Variants in HERC3 observed in about 807,000 individuals in gnomAD.
The protein encoded by HERC3 is HECT and RLD domain containing E3 ubiquitin protein ligase 3.
HERC3 carries 58 observed loss-of-function variants against 129.9 expected under a neutral mutation model. That is an observed-to-expected ratio of 0.45 (90% CI 0.36 to 0.56). HERC3 has a LOEUF of 0.56. Ranked by LOEUF, HERC3 falls within the 20% of genes least tolerant of loss-of-function variation. The pLI, the probability that HERC3 is intolerant of heterozygous loss-of-function variation, is 0.00. For missense variants in HERC3, 835 were observed against 1,244.2 expected, an observed-to-expected ratio of 0.67 and a Z score of 4.95; for synonymous variants, 430 against 451.0, an observed-to-expected ratio of 0.95 and a Z score of 0.59.
At chr4:88,606,180 G>A in intron 3 of HERC3, 131 bp downstream of exon 3, 1 of 623,746 alleles carries the variant, frequency 1.6e-6, no homozygotes. Flanking sequence ...ACGGTGCAGG[G>A]ATTCCTTCCT....
the HERC3 span, among the ~76,000 whole-genome samples, chr4:88,538,125 T>G: frequency 1.4e-3 from 211 of 152,376 alleles, no homozygotes; most frequent in African/African-American, 4.2e-3. Context: ...AATGGATATT[T>G]ACTTGTTTTC....
At chr4:88,565,050 T>C in the HERC3 span, among the ~76,000 whole-genome samples, 1 of 152,130 alleles carries the variant, frequency 6.6e-6, no homozygotes, top group Admixed American at 6.6e-5. Flanking sequence ...AATGTTCCTC[T>C]TGTTATTGAC....
chr4:88,612,799 CT>C (rs956236906), intron 3 of HERC3, among the ~76,000 whole-genome samples: 54 of 151,016 alleles, frequency 3.6e-4, no homozygotes, highest in African/African-American at 1.2e-3. Context: ...GCCTTCCCCA[CT>C]TTTTTTTTAA....
At chr4:88,627,482 T>A (rs1726230957) in intron 3 of HERC3, among the ~76,000 whole-genome samples, 1 of 152,202 alleles carries the variant, frequency 6.6e-6, no homozygotes. Context: ...ACTGTGACAT[T>A]TTATACAAGG....
chr4:88,534,554 G>C, the HERC3 span, among the ~76,000 whole-genome samples: 1 of 151,852 alleles, frequency 6.6e-6, no homozygotes, highest in Non-Finnish European at 1.5e-5. Context: ...GTGACTAAAA[G>C]GATCTCATAC....
At chr4:88,538,967 T>C in the HERC3 span, among the ~76,000 whole-genome samples, 2 of 152,104 alleles carry the variant, frequency 1.3e-5, no homozygotes, top group East Asian at 3.9e-4. Flanking sequence ...GATGGCCAAA[T>C]AGGAACAGAT....
the HERC3 span, among the ~76,000 whole-genome samples, chr4:88,545,435 T>TTTTTTTTTTTG: frequency 6.8e-6 from 1 of 147,246 alleles, no homozygotes; most frequent in African/African-American, 2.5e-5. Context: ...GAATTCTTTT[T>TTTTTTTTTTTG]TTTTTTTTTT....
chr4:88,558,887 G>A, the HERC3 span, among the ~76,000 whole-genome samples: 2 of 150,482 alleles, frequency 1.3e-5, no homozygotes, highest in East Asian at 2.0e-4. Context: ...AGAATGGCGT[G>A]AACCCAGGAG....
chr4:88,534,734 T>C, the HERC3 span, among the ~76,000 whole-genome samples: 3 of 152,248 alleles, frequency 2.0e-5, no homozygotes, highest in East Asian at 5.8e-4. Flanking sequence ...TGTGATTCTA[T>C]ATGGCTTTTT....
At chr4:88,543,094 T>C in the HERC3 span, among the ~76,000 whole-genome samples, 28,975 of 151,986 alleles carry the variant, frequency 0.19, 3,210 homozygotes, top group East Asian at 0.5. Context: ...CCAGGGCAAT[T>C]AGGCAAGAGA....
the HERC3 span, among the ~76,000 whole-genome samples, chr4:88,581,304 A>T: frequency 8.0e-5 from 12 of 150,546 alleles, no homozygotes; most frequent in African/African-American, 2.2e-4. Flanking sequence ...TATTATTATT[A>T]TTATTTTTTT....
At chr4:88,548,960 C>T in the HERC3 span, among the ~76,000 whole-genome samples, 1 of 152,088 alleles carries the variant, frequency 6.6e-6, no homozygotes, top group East Asian at 1.9e-4. Context: ...TGCGCCCGGC[C>T]CATCTTTTCA....
the HERC3 span, among the ~76,000 whole-genome samples, chr4:88,578,735 C>A: frequency 6.6e-6 from 1 of 152,106 alleles, no homozygotes; most frequent in African/African-American, 2.4e-5. Context: ...TCTCTTTGAA[C>A]CCTCATCATA....
the HERC3 span, among the ~76,000 whole-genome samples, chr4:88,547,846 G>T: frequency 6.6e-6 from 1 of 152,140 alleles, no homozygotes; most frequent in Non-Finnish European, 1.5e-5. Flanking sequence ...AGTAGAGATA[G>T]GGTTTCACCA....
intron 3 of HERC3, among the ~76,000 whole-genome samples, chr4:88,642,987 ATTCT>A (rs1449754388): frequency 1.3e-5 from 2 of 152,176 alleles, no homozygotes; most frequent in Non-Finnish European, 2.9e-5. Flanking sequence ...CTCAGAAAAA[ATTCT>A]TTCTATTAAA....
In HERC3 at chr4:88,605,802, G is replaced by A; in HGVS notation, c.-22G>A. Reference sequence around the variant, plus strand: ...TTTTAAACTCTCTCCTAGGCTACATGATTCCCTGAAAGATAAGAACAATGT... The same window carrying A: ...TTTTAAACTCTCTCCTAGGCTACATAATTCCCTGAAAGATAAGAACAATGT... On this transcript the variant is annotated 5_prime_UTR_variant, in exon 3 of 26. An upstream start codon of the reference 5' UTR is lost. Transcript: ENST00000402738. The A allele has an allele frequency of 6.3e-7, 1 of 1,588,406 alleles. No homozygotes were observed. The highest frequency in any genetic ancestry group is 1.1e-5 in the South Asian group (1 of 90,484).
At chr4:88,648,287 C>T (rs1273970815) in intron 3 of HERC3, among the ~76,000 whole-genome samples, 2 of 152,200 alleles carry the variant, frequency 1.3e-5, no homozygotes, top group Admixed American at 1.3e-4. Flanking sequence ...TCTTCACCTC[C>T]TTCCTGTCTG....
the HERC3 span, among the ~76,000 whole-genome samples, chr4:88,547,876 G>A: frequency 2.5e-4 from 38 of 152,198 alleles, no homozygotes; most frequent in East Asian, 5.6e-3. Flanking sequence ...GGCTGGTGTC[G>A]AACTCCTGGC....
chr4:88,675,059 A>G (rs1332615941), intron 16 of HERC3, among the ~76,000 whole-genome samples: 5 of 152,218 alleles, frequency 3.3e-5, no homozygotes, highest in African/African-American at 1.2e-4. Flanking sequence ...TAAAATGCAG[A>G]TTAGCCTCAT....
Sources: allele counts gnomAD v4.1 joint callset (sites outside exome capture counted in the v4.1 genomes callset), GRCh38; gene constraint gnomAD v4.1.1; transcripts MANE v1.5; gene names NCBI Gene and HGNC (gene_info 2026-07-23, HGNC 2026-07-21).